The following TBCK variants were observed in gnomAD, a reference collection of about 807,000 sequenced individuals.
The protein encoded by TBCK is TBC domain-containing protein kinase-like protein.
In TBCK, 99 loss-of-function variants were observed where a neutral mutation model predicts 113.4. That is an observed-to-expected ratio of 0.87 (90% CI 0.74 to 1.03). The LOEUF (loss-of-function observed/expected upper bound fraction) is 1.03. TBCK is among the 50% of genes least tolerant of loss of function. The pLI is 0.00. For synonymous variants in TBCK, 369 were observed against 370.8 expected (o/e 1.00, Z 0.05); for missense variants, 1,045 against 1,061.3 (o/e 0.98, Z 0.21).
chr4:106,108,567 G>A (rs1008997884), intron 24 of TBCK, among the ~76,000 whole-genome samples: 21 of 152,094 alleles, frequency 1.4e-4, no homozygotes, highest in African/African-American at 4.1e-4. Flanking sequence ...ATCTGTTCAC[G>A]TTGACAACTC....
intron 24 of TBCK, among the ~76,000 whole-genome samples, chr4:106,115,033 T>C (rs1267110027): frequency 6.6e-6 from 1 of 152,172 alleles, no homozygotes; most frequent in Admixed American, 6.5e-5. Flanking sequence ...GATAAGAATA[T>C]ATCATTTGAA....
chr4:106,267,638 A>T (rs1222031574), intron 3 of TBCK, among the ~76,000 whole-genome samples: 2 of 152,020 alleles, frequency 1.3e-5, no homozygotes, highest in Non-Finnish European at 2.9e-5. Context: ...TCTAAAAGAG[A>T]AAAACACTAT....
At position 106,243,082 on chromosome 4, in the gene TBCK, T is replaced by C. The variant is rs917892600; in HGVS notation, c.1071-513A>G. Among the ~76,000 whole-genome samples the C allele has an allele frequency of 5.3e-5, 8 of 152,104 alleles. No individual in the cohort carries two copies. The East Asian group carries it at 1.3e-3, about 26-fold the overall frequency. On this transcript the variant is annotated intron_variant, in intron 11 of 25. Coordinates refer to ENST00000394708, the MANE Select transcript of TBCK (RefSeq NM_001163435.3). ...GCTGCATAGTATTCCATGGTATATA[T>C]GTGCCACATATACATAAACATATAC...
intron 23 of TBCK, among the ~76,000 whole-genome samples, chr4:106,118,299 T>G (rs1743803275): frequency 6.6e-6 from 1 of 152,218 alleles, no homozygotes; most frequent in Admixed American, 6.5e-5. Flanking sequence ...CTCTCACCCC[T>G]TGGGTTTCCC....
intron 14 of TBCK, 137 bp from the exon 15 acceptor site, chr4:106,235,504 G>A: frequency 4.0e-6 from 2 of 494,770 alleles, no homozygotes; most frequent in Non-Finnish European, 6.9e-6. Context: ...TATTGTGTCT[G>A]GTGTTATTAA....
intron 3 of TBCK, among the ~76,000 whole-genome samples, chr4:106,279,293 T>C (rs1270738062): frequency 6.6e-6 from 1 of 152,112 alleles, no homozygotes; most frequent in East Asian, 1.9e-4. Flanking sequence ...ACACAGATGA[T>C]TTTTTAAAAT....
chr4:106,125,726 G>T (rs148720922), intron 23 of TBCK, among the ~76,000 whole-genome samples: 3 of 152,104 alleles, frequency 2.0e-5, no homozygotes, highest in South Asian at 2.1e-4. Flanking sequence ...TGGGACATAG[G>T]GGGAGAGTGG....
intron 1 of TBCK, among the ~76,000 whole-genome samples, chr4:106,314,616 ATTTTTTTTTT>A (rs869091052): frequency 4.9e-5 from 5 of 102,058 alleles, no homozygotes; most frequent in South Asian, 3.3e-4. Flanking sequence ...ATACTACTTG[ATTTTTTTTTT>A]TTTTTTTTTT....
intron 18 of TBCK, among the ~76,000 whole-genome samples, chr4:106,230,894 G>A (rs775490366): frequency 1.3e-5 from 2 of 151,796 alleles, no homozygotes; most frequent in Admixed American, 6.6e-5. Context: ...GTCAGTATGA[G>A]TGATCATTGG....
rs780240721 is a variant in TBCK, at chr4:106,247,119, A to T, written c.931+20T>A. On this transcript the variant is annotated intron_variant, in intron 10 of 25. Transcript: ENST00000394708. ...AAAAACAAGGCTCATATTATTCTCT[A>T]TGCTTTAATTTATCATTACCTTTAC... 1 of 1,602,874 alleles carries T rather than the reference A, an allele frequency of 6.2e-7. No individual in the cohort carries two copies. Among genetic ancestry groups the T allele is most frequent in the Non-Finnish European group, 8.5e-7 (1 of 1,176,634 alleles).
At chr4:106,054,268 C>T (rs193243826) in intron 25 of TBCK, among the ~76,000 whole-genome samples, 10 of 151,856 alleles carry the variant, frequency 6.6e-5, no homozygotes, top group Non-Finnish European at 1.2e-4. Context: ...CCACCATCAT[C>T]TCTTACTTAG....
chr4:106,253,390 TATTAAC>T (rs1260530037), intron 5 of TBCK, among the ~76,000 whole-genome samples: 1 of 152,188 alleles, frequency 6.6e-6, no homozygotes, highest in Non-Finnish European at 1.5e-5. Flanking sequence ...TGCTTTTTAT[TATTAAC>T]ATTATGAACA....
Position 106,117,857 on chromosome 4 carries a change from A to C in TBCK, c.2236-1479T>G, listed in dbSNP as rs147869575. On this transcript the variant is annotated intron_variant, in intron 23 of 25. Coordinates refer to ENST00000394708, the MANE Select transcript of TBCK (RefSeq NM_001163435.3). Reference sequence around the variant, plus strand: ...ACCCTGTCTCTACTAAAAATACAAAAAATTAGCCGGGCGTGGCAGTGGGCG... The same window carrying C: ...ACCCTGTCTCTACTAAAAATACAAACAATTAGCCGGGCGTGGCAGTGGGCG... Among the ~76,000 whole-genome samples, 760 of 152,140 alleles carry C rather than the reference A, an allele frequency of 5.0e-3. 4 individuals carry two copies. The highest frequency in any genetic ancestry group is 0.018 in the African/African-American group (731 of 41,510).
intron 25 of TBCK, among the ~76,000 whole-genome samples, chr4:106,047,742 A>T (rs1316829640): frequency 6.6e-6 from 1 of 152,156 alleles, no homozygotes; most frequent in East Asian, 1.9e-4. Context: ...TGCTGGATTG[A>T]ACTAAACTAT....
At chr4:106,094,313 A>T (rs969923499) in intron 25 of TBCK, among the ~76,000 whole-genome samples, 1 of 152,174 alleles carries the variant, frequency 6.6e-6, no homozygotes, top group Non-Finnish European at 1.5e-5. Context: ...ATCAGAATTG[A>T]ATTGAATGGA....
intron 2 of TBCK, 31 bp downstream of exon 2, chr4:106,308,737 C>T (rs754612080): frequency 1.7e-5 from 27 of 1,582,030 alleles, no homozygotes; most frequent in Non-Finnish European, 2.1e-5. Context: ...AAGTAGAGAA[C>T]ATAAATAGGA....
At chr4:106,111,675 T>G (rs954600657) in intron 24 of TBCK, among the ~76,000 whole-genome samples, 1 of 152,198 alleles carries the variant, frequency 6.6e-6, no homozygotes, top group Non-Finnish European at 1.5e-5. Flanking sequence ...GTCACATGCC[T>G]CTGTCGTAAA....
intron 23 of TBCK, among the ~76,000 whole-genome samples, chr4:106,148,302 G>C (rs529732585): frequency 2.6e-5 from 4 of 152,246 alleles, no homozygotes; most frequent in Non-Finnish European, 4.4e-5. Context: ...CCTTTTGAAA[G>C]TCCCTAATAA....
intron 23 of TBCK, among the ~76,000 whole-genome samples, chr4:106,143,703 T>A (rs1196491085): frequency 2.0e-5 from 3 of 151,630 alleles, no homozygotes; most frequent in African/African-American, 4.8e-5. Flanking sequence ...CCACCTGAGG[T>A]CAGGAGTTCA....
Sources: allele counts gnomAD v4.1 joint callset (sites outside exome capture counted in the v4.1 genomes callset), GRCh38; gene constraint gnomAD v4.1.1; transcripts MANE v1.5; gene names NCBI Gene and HGNC (gene_info 2026-07-23, HGNC 2026-07-21).